The following BICRAL variants were observed in gnomAD, a reference collection of about 807,000 sequenced individuals.
BICRAL encodes the protein BRD4-interacting chromatin-remodeling complex-associated protein-like.
In BICRAL, 8 loss-of-function variants were observed where a neutral mutation model predicts 91.8. That is an observed-to-expected ratio of 0.09 (90% CI 0.05 to 0.16). The LOEUF is 0.16. Ranked by LOEUF, BICRAL falls within the 10% of genes least tolerant of loss-of-function variation. The pLI is 1.00. For missense variants in BICRAL, 1,038 were observed against 1,310.9 expected (o/e 0.79, Z 3.21); for synonymous variants, 445 against 491.1 (o/e 0.91, Z 1.24).
intron 6 of BICRAL, among the ~76,000 whole-genome samples, chr6:42,832,437 A>G (rs567559879): frequency 6.1e-5 from 9 of 147,742 alleles, no homozygotes; most frequent in African/African-American, 2.0e-4. Flanking sequence ...ATGTATTTAT[A>G]TATATATTAA....
intron 2 of BICRAL, among the ~76,000 whole-genome samples, chr6:42,820,877 G>C (rs1410107213): frequency 6.6e-6 from 1 of 152,192 alleles, no homozygotes; most frequent in Non-Finnish European, 1.5e-5. Flanking sequence ...ACCCCTTCCA[G>C]ACTCTTCCTG....
chr6:42,749,317 T>G (rs1464283122), intron 1 of BICRAL, among the ~76,000 whole-genome samples: 1 of 152,116 alleles, frequency 6.6e-6, no homozygotes, highest in Non-Finnish European at 1.5e-5. Context: ...ATGTTCTCAC[T>G]CGTATGTGGG....
intron 1 of BICRAL, among the ~76,000 whole-genome samples, chr6:42,792,249 TACTG>T: frequency 6.6e-6 from 1 of 152,212 alleles, no homozygotes; most frequent in Middle Eastern, 3.4e-3. Context: ...AAGCTTAGCT[TACTG>T]TAACTTTTTT....
chr6:42,808,511 C>T (rs942054237), intron 1 of BICRAL, among the ~76,000 whole-genome samples: 1 of 152,178 alleles, frequency 6.6e-6, no homozygotes, highest in African/African-American at 2.4e-5. Context: ...TTGATTTTCA[C>T]GGATTTCTGT....
intron 1 of BICRAL, among the ~76,000 whole-genome samples, chr6:42,789,708 AG>A (rs1402169100): frequency 1.3e-5 from 2 of 152,182 alleles, no homozygotes; most frequent in Non-Finnish European, 2.9e-5. Context: ...TGCATATGGA[AG>A]AAAATTGCTT....
intron 6 of BICRAL, among the ~76,000 whole-genome samples, chr6:42,850,800 C>T (rs945425334): frequency 4.6e-5 from 7 of 151,580 alleles, no homozygotes; most frequent in Non-Finnish European, 7.4e-5. Context: ...ACTCGGGAGG[C>T]GGAGGTTGCA....
Position 42,824,869 on chromosome 6 carries a change from T to G in BICRAL, c.159+1866T>G, listed in dbSNP as rs549828273. Among the ~76,000 whole-genome samples the G allele has an allele frequency of 1.4e-4, 21 of 152,276 alleles. No individual in the cohort carries two copies. The South Asian group carries it at 4.4e-3, about 32-fold the overall frequency. ...CAGACATGGTGGCCCATGCCTATAA[T>G]CCCACCATTTTAGGAGGCCAAGGCA... On this transcript the variant is annotated intron_variant, in intron 5 of 12. Transcript: ENST00000314073.
chr6:42,861,673 T>G (rs1765560694), intron 11 of BICRAL, among the ~76,000 whole-genome samples: 1 of 152,208 alleles, frequency 6.6e-6, no homozygotes, highest in South Asian at 2.1e-4. Flanking sequence ...CGTGTGTCTG[T>G]ATTTACTTAA....
At chr6:42,845,127 A>G (rs1764955791) in intron 6 of BICRAL, among the ~76,000 whole-genome samples, 4 of 135,136 alleles carry the variant, frequency 3.0e-5, no homozygotes, top group Admixed American at 8.0e-5. Context: ...TGTTTCTTGG[A>G]TGGTAAATTT....
chr6:42,807,574 T>A (rs952088801), intron 1 of BICRAL, among the ~76,000 whole-genome samples: 5 of 152,050 alleles, frequency 3.3e-5, no homozygotes, highest in Admixed American at 2.6e-4. Flanking sequence ...GATTCTTTTT[T>A]TAAAAAATGT....
intron 10 of BICRAL, among the ~76,000 whole-genome samples, chr6:42,859,373 CAG>C (rs1446045916): frequency 2.0e-5 from 3 of 149,844 alleles, no homozygotes; most frequent in African/African-American, 7.4e-5. Context: ...GCCTGAGCGA[CAG>C]AGCAAGACTC....
intron 6 of BICRAL, among the ~76,000 whole-genome samples, chr6:42,839,851 G>C (rs971663575): frequency 5.3e-5 from 8 of 151,954 alleles, no homozygotes; most frequent in African/African-American, 1.7e-4. Context: ...TCCTTGCTTT[G>C]TGTCACAAGA....
At position 42,840,776 on chromosome 6, in the gene BICRAL, A is replaced by C. The variant is rs117511134; in HGVS notation, c.1839+10604A>C. 5.9e-5 allele frequency among the ~76,000 whole-genome samples: 9 copies of C among 151,884 alleles called. No homozygotes were observed. The East Asian group carries it at 1.8e-3, about 30-fold the overall frequency. Reference sequence around the variant, plus strand: ...ATCACTAAAGGATTTCGTAGATTCAAATTTTATTGAGAGCAGGCAGGGCGC... The same window carrying C: ...ATCACTAAAGGATTTCGTAGATTCACATTTTATTGAGAGCAGGCAGGGCGC... On this transcript the variant is annotated intron_variant, in intron 6 of 12. Coordinates refer to ENST00000314073, the MANE Select transcript of BICRAL (RefSeq NM_001393499.1).
chr6:42,843,377 C>T (rs975454576), intron 6 of BICRAL, among the ~76,000 whole-genome samples: 2 of 152,008 alleles, frequency 1.3e-5, no homozygotes, highest in Non-Finnish European at 2.9e-5. Context: ...AAGGAAAACA[C>T]GTTTAGGTGA....
intron 2 of BICRAL, among the ~76,000 whole-genome samples, chr6:42,813,913 A>G (rs1279113541): frequency 6.6e-6 from 1 of 152,142 alleles, no homozygotes; most frequent in African/African-American, 2.4e-5. Context: ...AGGAGAAGGA[A>G]AATGATACCA....
chr6:42,780,752 G>GTT (rs1264130388), upstream of BICRAL, among the ~76,000 whole-genome samples: 2 of 151,842 alleles, frequency 1.3e-5, no homozygotes, highest in South Asian at 2.1e-4. Context: ...GTTTTGTTTT[G>GTT]TTTTTGTTTG....
chr6:42,746,564 G>A (rs1385885097), upstream of BICRAL, among the ~76,000 whole-genome samples: 2 of 152,078 alleles, frequency 1.3e-5, no homozygotes, highest in Admixed American at 6.5e-5. Flanking sequence ...GGAGCGGGGG[G>A]GAATATTGCA....
chr6:42,784,055 C>G (rs1468089981), intron 1 of BICRAL, among the ~76,000 whole-genome samples: 3 of 152,182 alleles, frequency 2.0e-5, no homozygotes, highest in Non-Finnish European at 4.4e-5. Context: ...CTTAGTTTTA[C>G]TCTAAAACAA....
chr6:42,769,648 C>G (rs1762689383), intron 1 of BICRAL, among the ~76,000 whole-genome samples: 1 of 152,196 alleles, frequency 6.6e-6, no homozygotes, highest in Non-Finnish European at 1.5e-5. Flanking sequence ...CACACAAACA[C>G]AATACCATGT....
Sources: allele counts gnomAD v4.1 joint callset (sites outside exome capture counted in the v4.1 genomes callset), GRCh38; gene constraint gnomAD v4.1.1; transcripts MANE v1.5; gene names NCBI Gene and HGNC (gene_info 2026-07-23, HGNC 2026-07-21).